Variants in FRAS1 observed in about 807,000 individuals in gnomAD.
The protein encoded by FRAS1 is extracellular matrix organizing protein FRAS1.
FRAS1 carries 290 observed loss-of-function variants against 435.2 expected under a neutral mutation model. The ratio of observed to expected loss-of-function variants is 0.67; its 90% confidence interval spans 0.61 to 0.73. The LOEUF (loss-of-function observed/expected upper bound fraction) is 0.73, where lower values mean the gene tolerates loss of function less well. FRAS1 is among the 30% of genes least tolerant of loss of function. The pLI is 0.00. For synonymous variants in FRAS1, 1,800 were observed against 1,851.0 expected, an observed-to-expected ratio of 0.97 and a Z score of 0.71; for missense variants, 4,860 against 5,001.5, an observed-to-expected ratio of 0.97 and a Z score of 0.85.
chr4:78,338,362 A>G (rs1442087656), intron 20 of FRAS1, among the ~76,000 whole-genome samples: 2 of 152,138 alleles, frequency 1.3e-5, no homozygotes, highest in African/African-American at 2.4e-5. Flanking sequence ...ACCAGACATC[A>G]TTTATGTTCA....
chr4:78,118,977 T>C lies in FRAS1; in HGVS notation c.108+52961T>C, dbSNP rs1718852073. ...TCTTGGCTCCACCACCTTATTTATT[T>C]TTTATATTGTGTATGTAACTCTTTT... On this transcript the variant is annotated intron_variant, in intron 2 of 73. Coordinates refer to ENST00000512123, the MANE Select transcript of FRAS1 (RefSeq NM_025074.7). Among the ~76,000 whole-genome samples, 3 of 152,200 alleles carry C rather than the reference T, an allele frequency of 2.0e-5. No homozygotes were observed. In the South Asian group the frequency reaches 6.2e-4, roughly 32 times the overall value.
Position 78,432,553 on chromosome 4 carries a change from T to A in FRAS1, c.5166T>A (p.Thr1722=), listed in dbSNP as rs1734259275. ...RLAAGSSLSI[T]VASKSTAIIT... ...CTGCTGGCTCCTCTCTGAGCATTAC[T>A]GTTGCCAGTAAAAGCACAGCCATAA... The change falls in exon 38 of 74, where the codon ACT becomes ACA. Residue 1722 remains threonine (T), a synonymous_variant. Coordinates refer to ENST00000512123, the MANE Select transcript of FRAS1 (RefSeq NM_025074.7). The A allele has an allele frequency of 3.7e-6, 6 of 1,610,930 alleles. No individual in the cohort carries two copies. Among genetic ancestry groups the A allele is most frequent in the Non-Finnish European group, 5.1e-6 (6 of 1,178,334 alleles).
chr4:78,130,569 C>G (rs1719636584), intron 2 of FRAS1, among the ~76,000 whole-genome samples: 2 of 152,156 alleles, frequency 1.3e-5, no homozygotes, highest in African/African-American at 4.8e-5. Flanking sequence ...TTGTAACCAC[C>G]TTCAAAAGCC....
chr4:78,081,726 A>C (rs1003890369), intron 2 of FRAS1, among the ~76,000 whole-genome samples: 2 of 152,134 alleles, frequency 1.3e-5, no homozygotes, highest in Non-Finnish European at 2.9e-5. Flanking sequence ...GAAGGTAGAC[A>C]GTTAAGGAAG....
At chr4:78,516,053 G>A (rs771318375) in intron 66 of FRAS1, 40 bp downstream of exon 66, 1 of 1,496,994 alleles carries the variant, frequency 6.7e-7, no homozygotes, top group South Asian at 1.2e-5. Context: ...CTGCATATGG[G>A]TGCCATGGTC....
Position 78,264,848 on chromosome 4 carries a change from C to T in FRAS1, c.604-177C>T. ...GCAAACTTCTTAAGGGCACACTGAC[C>T]TTGGAATTGTTCATTCTTATCAGAG... On this transcript the variant is annotated intron_variant, in intron 6 of 73. Transcript: ENST00000512123. 5 of 688,702 alleles carry T rather than the reference C, an allele frequency of 7.3e-6. No individual in the cohort carries two copies. In the South Asian group the frequency reaches 7.5e-5, roughly 10 times the overall value. 42.7% of individuals were successfully genotyped at this position (688,702 alleles called of 1,614,324 possible). A position where few individuals can be genotyped will look rare whatever the true frequency, so the allele number is the denominator to read the frequency against.
intron 18 of FRAS1, among the ~76,000 whole-genome samples, chr4:78,331,904 G>T: frequency 6.6e-6 from 1 of 152,150 alleles, no homozygotes; most frequent in East Asian, 1.9e-4. Flanking sequence ...CCATTGAAAA[G>T]TTTGTTACAG....
chr4:78,141,550 A>T (rs1400812437), intron 2 of FRAS1, among the ~76,000 whole-genome samples: 1 of 152,210 alleles, frequency 6.6e-6, no homozygotes, highest in African/African-American at 2.4e-5. Flanking sequence ...CACTGGATCA[A>T]GATCCAGGAG....
chr4:78,457,064 C>T (rs1719224903), intron 47 of FRAS1, among the ~76,000 whole-genome samples: 1 of 152,174 alleles, frequency 6.6e-6, no homozygotes, highest in Admixed American at 6.5e-5. Flanking sequence ...AGTTACAACA[C>T]ACCTTCCTCA....
intron 28 of FRAS1, among the ~76,000 whole-genome samples, chr4:78,384,427 A>G (rs1010754816): frequency 2.0e-5 from 3 of 152,206 alleles, no homozygotes; most frequent in Non-Finnish European, 4.4e-5. Flanking sequence ...TATTGTCTCC[A>G]ATTTACAGAC....
intron 20 of FRAS1, among the ~76,000 whole-genome samples, chr4:78,338,701 A>G (rs750637482): frequency 3.2e-4 from 48 of 152,308 alleles, no homozygotes; most frequent in Admixed American, 6.5e-4. Context: ...GTTCTGGAGC[A>G]GGGAAGAGGC....
At chr4:78,401,003 C>CCT in intron 30 of FRAS1, 116 bp downstream of exon 30, 1 of 839,518 alleles carries the variant, frequency 1.2e-6, no homozygotes, top group Non-Finnish European at 1.8e-6. Flanking sequence ...TTTCTAATAC[C>CCT]TTACAAATCC....
intron 33 of FRAS1, among the ~76,000 whole-genome samples, chr4:78,419,601 C>T (rs916223304): frequency 2.0e-5 from 3 of 152,206 alleles, no homozygotes; most frequent in Non-Finnish European, 4.4e-5. Flanking sequence ...CATCAGTCAC[C>T]AGCCTTTAGA....
At chr4:78,413,218 C>T in intron 32 of FRAS1, 133 bp downstream of exon 32, 1 of 514,694 alleles carries the variant, frequency 1.9e-6, no homozygotes, top group Non-Finnish European at 3.4e-6. Flanking sequence ...GCCAAAAAGC[C>T]TAGTGGTCAC....
intron 47 of FRAS1, among the ~76,000 whole-genome samples, chr4:78,455,807 C>T (rs556996314): frequency 6.6e-6 from 1 of 152,240 alleles, no homozygotes; most frequent in East Asian, 1.9e-4. Flanking sequence ...ATCAGGGTTT[C>T]CCTCTATCAG....
At chr4:78,241,296 C>T (rs1427164603) in intron 3 of FRAS1, among the ~76,000 whole-genome samples, 2 of 152,206 alleles carry the variant, frequency 1.3e-5, no homozygotes, top group Admixed American at 1.3e-4. Flanking sequence ...ACTGCAATGC[C>T]TGTTTACTTA....
chr4:78,190,049 A>C (rs1403774035), intron 2 of FRAS1, among the ~76,000 whole-genome samples: 1 of 152,244 alleles, frequency 6.6e-6, no homozygotes, highest in Non-Finnish European at 1.5e-5. Flanking sequence ...CTGGCCGCAG[A>C]AAACCTCAGC....
intron 2 of FRAS1, among the ~76,000 whole-genome samples, chr4:78,067,575 C>T (rs1296211794): frequency 2.0e-5 from 3 of 151,922 alleles, no homozygotes. Context: ...TAGTGGGCTG[C>T]ACCCTCCCAC....
In FRAS1 at chr4:78,452,254, G is replaced by A; in HGVS notation, c.6663G>A (p.Leu2221=). The change falls in exon 47 of 74, where the codon CTG becomes CTA. Residue 2221 remains leucine (L), a synonymous_variant. Coordinates refer to ENST00000512123, the MANE Select transcript of FRAS1 (RefSeq NM_025074.7). ...ACTCAGTGAAGAAAATCACCACCCTGCAGCTGTCTGCCACTGACCAGGACA... is the reference window on the plus strand; with the variant it reads ...ACTCAGTGAAGAAAATCACCACCCTACAGCTGTCTGCCACTGACCAGGACA... ...DENSVKKITT[L]QLSATDQDSG... is the part of the protein sequence containing the mutation. 1.9e-6 allele frequency: 3 copies of A among 1,613,766 alleles called. No individual in the cohort carries two copies. The highest frequency in any genetic ancestry group is 2.5e-6 in the Non-Finnish European group (3 of 1,179,724).
Sources: allele counts gnomAD v4.1 joint callset (sites outside exome capture counted in the v4.1 genomes callset), GRCh38; gene constraint gnomAD v4.1.1; transcripts MANE v1.5; gene names NCBI Gene and HGNC (gene_info 2026-07-23, HGNC 2026-07-21).